The following ST14 variants were observed in gnomAD, a reference collection of about 807,000 sequenced individuals.
The protein encoded by ST14 is ST14 transmembrane serine protease matriptase.
In ST14, 40 loss-of-function variants were observed where a neutral mutation model predicts 96.5. The ratio of observed to expected loss-of-function variants is 0.41; its 90% CI spans 0.32 to 0.54. The LOEUF (loss-of-function observed/expected upper bound fraction) is 0.54. Among genes scored for constraint, ST14 ranks in the 20% least tolerant of loss-of-function variants. The pLI is 0.17. For missense variants in ST14, 1,066 were observed against 1,188.9 expected (o/e 0.90, Z 1.52); for synonymous variants, 506 against 492.1 (o/e 1.03, Z -0.37).
chr11:130,185,486 C>T (rs1953229196), intron 1 of ST14, among the ~76,000 whole-genome samples: 1 of 152,020 alleles, frequency 6.6e-6, no homozygotes, highest in Admixed American at 6.6e-5. Context: ...GACCTTGCCT[C>T]TACAAAAAAT....
intron 1 of ST14, among the ~76,000 whole-genome samples, chr11:130,169,391 G>T (rs1475731389): frequency 6.6e-6 from 1 of 152,128 alleles, no homozygotes; most frequent in Non-Finnish European, 1.5e-5. Context: ...CACCACGCCT[G>T]GCCTATATAA....
chr11:130,190,343 GC>G, intron 6 of ST14, 110 bp from the exon 7 acceptor site: 2 of 1,555,468 alleles, frequency 1.3e-6, no homozygotes. Flanking sequence ...GCAGCCTGGG[GC>G]GTCTCGAAGG....
At chr11:130,171,120 C>A (rs915711643) in intron 1 of ST14, among the ~76,000 whole-genome samples, 3 of 152,136 alleles carry the variant, frequency 2.0e-5, no homozygotes, top group Non-Finnish European at 4.4e-5. Flanking sequence ...AAGCTACTGA[C>A]ATCCTGCTCT....
Position 130,209,543 on chromosome 11 carries a change from G to T in ST14, c.2371G>T (p.Val791Leu). 2 of 1,577,144 alleles carry T rather than the reference G, an allele frequency of 1.3e-6. No homozygotes were observed. Among genetic ancestry groups the T allele is most frequent in the Non-Finnish European group, 1.7e-6 (2 of 1,161,436 alleles). Residue 791 changes from valine to leucine, a missense_variant, in exon 18 of 19, where the codon GTG (valine) becomes TTG (leucine). By Grantham distance (32) the Val-to-Leu change is conservative. Transcript: ENST00000278742. ...GCAGATCACGCCGCGCATGATGTGC[G>T]TGGGCTTCCTCAGCGGCGGCGTGGA... is the stretch of plus-strand genomic sequence containing the variant. ...PQQITPRMMC[V>L]GFLSGGVDSC...
chr11:130,166,975 C>T (rs1953046932), intron 1 of ST14, among the ~76,000 whole-genome samples: 2 of 152,184 alleles, frequency 1.3e-5, no homozygotes, highest in South Asian at 4.1e-4. Flanking sequence ...CTTTGAGAGG[C>T]CAGGGCCGAT....
intron 16 of ST14, among the ~76,000 whole-genome samples, chr11:130,200,665 G>A (rs557910249): frequency 2.0e-5 from 3 of 152,188 alleles, no homozygotes; most frequent in African/African-American, 4.8e-5. Flanking sequence ...ATCCCAGGAC[G>A]GGGCTCAATA....
intron 1 of ST14, among the ~76,000 whole-genome samples, chr11:130,180,170 T>C (rs536366149): frequency 1.3e-5 from 2 of 152,210 alleles, no homozygotes; most frequent in African/African-American, 2.4e-5. Flanking sequence ...ACCCTGTCCT[T>C]GTCTCAGGTC....
Position 130,196,380 on chromosome 11 carries a change from C to A in ST14, c.1155C>A (p.Phe385Leu). 6.2e-7 allele frequency: 1 copy of A among 1,607,844 alleles called. No individual in the cohort carries two copies. The highest frequency in any genetic ancestry group is 8.5e-7 in the Non-Finnish European group (1 of 1,177,602). ...NQHVKVRFKF[F>L]YLLEPGVPAG... ...ATGTGAAGGTGCGCTTCAAATTCTT[C>A]TACCTGCTGGAGCCCGGCGTGCCTG... is the stretch of plus-strand genomic sequence containing the variant. The change falls in exon 10 of 19, where the codon TTC becomes TTA. Residue 385 changes from phenylalanine to leucine, a missense_variant. Coordinates refer to ENST00000278742, the MANE Select transcript of ST14 (RefSeq NM_021978.4).
chr11:130,190,500 C>A lies in ST14; in HGVS notation c.681C>A (p.Arg227=). 1 of 1,609,028 alleles carries A rather than the reference C, an allele frequency of 6.2e-7. No individual in the cohort carries two copies. Among genetic ancestry groups the A allele is most frequent in the Non-Finnish European group, 8.5e-7 (1 of 1,179,878 alleles). ...ACGCCCGCGGTGTGGAGCTGATGCGCTTCACCACGCCCGGCTTCCCTGACA... is the reference window on the plus strand; with the variant it reads ...ACGCCCGCGGTGTGGAGCTGATGCGATTCACCACGCCCGGCTTCCCTGACA... ...GLHARGVELM[R]FTTPGFPDSP... Residue 227 remains arginine, a synonymous_variant, in exon 7 of 19, where the codon CGC becomes CGA. Transcript: ENST00000278742.
intron 16 of ST14, among the ~76,000 whole-genome samples, chr11:130,205,874 T>C (rs960015706): frequency 6.6e-6 from 1 of 152,014 alleles, no homozygotes; most frequent in African/African-American, 2.4e-5. Context: ...AATTTTTGTA[T>C]TTTTAGTAGA....
intron 12 of ST14, 43 bp downstream of exon 12, chr11:130,197,988 C>G (rs752517454): frequency 6.5e-7 from 1 of 1,528,154 alleles, no homozygotes; most frequent in Admixed American, 1.9e-5. Flanking sequence ...CCTCCTTCCC[C>G]ACCCTGCCCG....
Position 130,187,331 on chromosome 11 carries a change from T to C in ST14, c.82-783T>C, listed in dbSNP as rs971908486. Among the ~76,000 whole-genome samples the C allele has an allele frequency of 1.3e-5, 2 of 152,210 alleles. No individual in the cohort carries two copies. The highest frequency in any genetic ancestry group is 4.8e-5 in the African/African-American group (2 of 41,458). On this transcript the variant is annotated intron_variant, in intron 1 of 18. Transcript: ENST00000278742. The surrounding 1 kb of genome is among the most constrained non-coding windows in gnomAD (Gnocchi z 4.5). Reference sequence around the variant, plus strand: ...ACACCCCACCTGCCCCTCCGTATTCTGGCCCCTCATCATGGATACCCTTGG... The same window carrying C: ...ACACCCCACCTGCCCCTCCGTATTCCGGCCCCTCATCATGGATACCCTTGG...
At chr11:130,201,728 T>C (rs1953430684) in intron 16 of ST14, among the ~76,000 whole-genome samples, 1 of 152,220 alleles carries the variant, frequency 6.6e-6, no homozygotes, top group South Asian at 2.1e-4. Flanking sequence ...TACAGGCACA[T>C]GCCACCATGC....
In ST14 at chr11:130,209,704, C is replaced by A; in HGVS notation, c.2449C>A (p.Arg817=). Residue 817 remains arginine (R), a synonymous_variant, in exon 19 of 19, where the codon CGG becomes AGG. Coordinates refer to ENST00000278742, the MANE Select transcript of ST14 (RefSeq NM_021978.4). ...CCTGTCCAGCGTGGAGGCGGATGGG[C>A]GGATCTTCCAGGCCGGTGTGGTGAG... ...GPLSSVEADG[R]IFQAGVVSWG... is the part of the protein sequence containing the mutation. The A allele has an allele frequency of 6.2e-7, 1 of 1,613,732 alleles. No homozygotes were observed. Among genetic ancestry groups the A allele is most frequent in the Non-Finnish European group, 8.5e-7 (1 of 1,179,990 alleles).
intron 16 of ST14, among the ~76,000 whole-genome samples, chr11:130,204,055 C>G (rs757484654): frequency 6.6e-6 from 1 of 152,216 alleles, no homozygotes; most frequent in South Asian, 2.1e-4. Context: ...CACTTCGTTT[C>G]CGGACTCCCA....
intron 1 of ST14, among the ~76,000 whole-genome samples, chr11:130,177,485 C>A (rs1282349447): frequency 6.6e-6 from 1 of 152,130 alleles, no homozygotes; most frequent in African/African-American, 2.4e-5. Flanking sequence ...ACCGCTTGAA[C>A]CTGGGAGGTG....
rs1048179152 is a variant in ST14 at position 130,194,280 on chromosome 11, G to A, written c.1007G>A (p.Arg336Lys). The change falls in exon 8 of 19, where the codon AGG becomes AAG. Residue 336 changes from arginine to lysine, a missense_variant. By Grantham distance (26) the Arg-to-Lys change is conservative (BLOSUM62 2). Coordinates refer to ENST00000278742, the MANE Select transcript of ST14 (RefSeq NM_021978.4). ...GFEATFFQLP[R>K]MSSCGGRLRK... ...GAGGCCACCTTCTTCCAGCTGCCTAGGATGAGCAGTAAGGAAGGGCAGGGC... is the reference window on the plus strand; with the variant it reads ...GAGGCCACCTTCTTCCAGCTGCCTAAGATGAGCAGTAAGGAAGGGCAGGGC... 1 of 1,614,208 alleles carries A rather than the reference G, an allele frequency of 6.2e-7. No homozygotes were observed. The highest frequency in any genetic ancestry group is 8.5e-7 in the Non-Finnish European group (1 of 1,180,034).
intron 1 of ST14, among the ~76,000 whole-genome samples, chr11:130,167,648 G>A (rs896106887): frequency 6.6e-6 from 1 of 152,158 alleles, no homozygotes; most frequent in African/African-American, 2.4e-5. Context: ...GGAGGGAGGT[G>A]TTGGAGAGGG....
At position 130,196,454 on chromosome 11, in the gene ST14, T is replaced by C. The variant is rs758258150; in HGVS notation, c.1223+6T>C. ...GTGGAGATCAACGGGGAGAAGTGAGTCCCCGGGGGTATGGGGGCTGCCGGG... is the reference window on the plus strand; with the variant it reads ...GTGGAGATCAACGGGGAGAAGTGAGCCCCCGGGGGTATGGGGGCTGCCGGG... On this transcript the variant is annotated splice_donor_region_variant and intron_variant, in intron 10 of 18. Transcript: ENST00000278742. The C allele has an allele frequency of 3.0e-5, 48 of 1,602,614 alleles. No homozygotes were observed. The highest frequency in any genetic ancestry group is 4.3e-6 in the Non-Finnish European group (5 of 1,174,506).
Sources: gnomAD v4.1 joint callset for allele counts (sites outside exome capture counted in the v4.1 genomes callset) on GRCh38, gnomAD v4.1.1 for gene constraint, Gnocchi (gnomAD v3.1) non-coding constraint, MANE v1.5 for transcripts, NCBI Gene and HGNC (gene_info 2026-07-23, HGNC 2026-07-21) for gene names.